SAMD5: variants seen among roughly 807,000 people sequenced by gnomAD.
SAMD5 encodes sterile alpha motif domain containing 5, also known as sterile alpha motif domain-containing protein 5.
In SAMD5, 13 loss-of-function variants were observed where a neutral mutation model predicts 11.3. That is an observed-to-expected ratio of 1.15 (90% CI 0.75 to 1.83). The LOEUF (loss-of-function observed/expected upper bound fraction) is 1.83. Ranked by LOEUF, SAMD5 falls within the 40% of genes most tolerant of loss-of-function variation. SAMD5 has a pLI of 0.00. For missense variants in SAMD5, 255 were observed against 239.1 expected, an observed-to-expected ratio of 1.07 and a Z score of -0.44; for synonymous variants, 129 against 111.3, an observed-to-expected ratio of 1.16 and a Z score of -1.00.
intron 1 of SAMD5, among the ~76,000 whole-genome samples, chr6:147,628,505 G>A (rs1215394826): frequency 6.6e-6 from 1 of 152,126 alleles, no homozygotes; most frequent in African/African-American, 2.4e-5. Flanking sequence ...TTTGATGATG[G>A]GATTACTGGA....
chr6:147,721,722 G>T (rs545900101), intron 1 of SAMD5, among the ~76,000 whole-genome samples: 101 of 152,114 alleles, frequency 6.6e-4, no homozygotes, highest in African/African-American at 2.4e-3. Context: ...CATTTGTCAA[G>T]TTTGGCTTTT....
rs114151741 is a variant in SAMD5 at position 147,555,261 on chromosome 6, T to C, written c.460-9133T>C. 2.4e-3 allele frequency among the ~76,000 whole-genome samples: 370 copies of C among 152,342 alleles called. 4 individuals are homozygous for C. The highest frequency in any genetic ancestry group is 8.1e-3 in the African/African-American group (338 of 41,580). Reference sequence around the variant, plus strand: ...GTCTCCTTGCAAACCACTTGTGCTCTTGTTTGAGTTGCTGGCTGAACTGGC... The same window carrying C: ...GTCTCCTTGCAAACCACTTGTGCTCCTGTTTGAGTTGCTGGCTGAACTGGC... On this transcript the variant is annotated intron_variant, in intron 1 of 1. Coordinates refer to ENST00000367474, the MANE Select transcript of SAMD5 (RefSeq NM_001030060.3).
intron 1 of SAMD5, among the ~76,000 whole-genome samples, chr6:147,719,259 C>T (rs1791511346): frequency 6.6e-6 from 1 of 152,202 alleles, no homozygotes; most frequent in African/African-American, 2.4e-5. Flanking sequence ...TCCAAGGTAG[C>T]TTAAGCAGAT....
the SAMD5 span, among the ~76,000 whole-genome samples, chr6:147,839,926 G>A: frequency 2.6e-3 from 392 of 152,250 alleles, 1 homozygote; most frequent in African/African-American, 9.1e-3. Flanking sequence ...TTTAAAATGA[G>A]GAAACAGAAG....
the SAMD5 span, among the ~76,000 whole-genome samples, chr6:147,805,198 T>G: frequency 6.6e-6 from 1 of 152,244 alleles, no homozygotes; most frequent in Non-Finnish European, 1.5e-5. Flanking sequence ...GCTTATGTGA[T>G]ATTTATTAAG....
intron 1 of SAMD5, among the ~76,000 whole-genome samples, chr6:147,654,793 T>A (rs1583126061): frequency 1.4e-5 from 2 of 147,526 alleles, no homozygotes; most frequent in African/African-American, 2.5e-5. Context: ...AAAAAAAAAA[T>A]ATAAAACAAA....
chr6:147,579,350 G>C (rs1789262254), intron 1 of SAMD5, among the ~76,000 whole-genome samples: 1 of 152,126 alleles, frequency 6.6e-6, no homozygotes. Context: ...AGAGTGCAAG[G>C]TGTTTTGTGG....
chr6:147,519,957 G>A (rs1013019242), intron 1 of SAMD5, among the ~76,000 whole-genome samples: 2 of 152,132 alleles, frequency 1.3e-5, no homozygotes, highest in Non-Finnish European at 2.9e-5. Flanking sequence ...TACAACTGAA[G>A]TGACCCTTCC....
chr6:147,714,447 CT>C (rs1791440055), intron 1 of SAMD5, among the ~76,000 whole-genome samples: 2 of 152,116 alleles, frequency 1.3e-5, no homozygotes, highest in Admixed American at 1.3e-4. Flanking sequence ...TAAGTTTCTC[CT>C]CCTTCTATGG....
the SAMD5 span, among the ~76,000 whole-genome samples, chr6:147,903,167 T>G: frequency 6.6e-6 from 1 of 152,216 alleles, no homozygotes; most frequent in Non-Finnish European, 1.5e-5. Flanking sequence ...TAATTACTTA[T>G]TAGTCATTTC....
intron 1 of SAMD5, among the ~76,000 whole-genome samples, chr6:147,553,834 GT>G (rs962856892): frequency 1.3e-4 from 19 of 149,758 alleles, no homozygotes; most frequent in South Asian, 2.1e-4. Context: ...ATCACAGCAT[GT>G]TTTTTTTTTC....
the SAMD5 span, among the ~76,000 whole-genome samples, chr6:147,755,320 A>G: frequency 6.6e-6 from 1 of 152,090 alleles, no homozygotes; most frequent in Non-Finnish European, 1.5e-5. Flanking sequence ...ATGCGTGGCT[A>G]TAGTAAATGG....
the SAMD5 span, among the ~76,000 whole-genome samples, chr6:147,894,124 G>GTTTTTT: frequency 7.2e-6 from 1 of 139,406 alleles, no homozygotes; most frequent in Non-Finnish European, 1.6e-5. Flanking sequence ...TCTTTGTTTT[G>GTTTTTT]TATTTTTTTT....
chr6:147,730,103 A>G (rs1297879266), intron 1 of SAMD5: 6 of 436,666 alleles, frequency 1.4e-5, no homozygotes, highest in Admixed American at 5.4e-5. Flanking sequence ...GAAAAGAAAA[A>G]AAGAAAAGGA....
chr6:147,743,251 T>C, the SAMD5 span: 1 of 152,232 alleles, frequency 6.6e-6, no homozygotes, highest in Non-Finnish European at 1.5e-5. Context: ...CTCACGCTTG[T>C]AATCCCAGCA....
the SAMD5 span, among the ~76,000 whole-genome samples, chr6:147,751,975 A>T: frequency 1.3e-5 from 2 of 152,184 alleles, no homozygotes; most frequent in Admixed American, 1.3e-4. Flanking sequence ...ATTAAATATC[A>T]ATTGATTATA....
the SAMD5 span, among the ~76,000 whole-genome samples, chr6:147,932,978 G>A: frequency 0.029 from 4,368 of 152,106 alleles, 209 homozygotes; most frequent in African/African-American, 0.1. Flanking sequence ...TTTCATCTCC[G>A]ATGAGGAAAA....
intron 1 of SAMD5, among the ~76,000 whole-genome samples, chr6:147,585,703 T>G (rs1439982353): frequency 6.6e-6 from 1 of 152,196 alleles, no homozygotes; most frequent in East Asian, 1.9e-4. Context: ...CAGCCATTTC[T>G]TCATCATTTA....
downstream of SAMD5, among the ~76,000 whole-genome samples, chr6:147,573,716 A>C (rs7743538): frequency 6.6e-6 from 1 of 152,198 alleles, no homozygotes. Context: ...TTTGTATTGG[A>C]GGAACACAAG....
Sources: allele counts gnomAD v4.1 joint callset (sites outside exome capture counted in the v4.1 genomes callset), GRCh38; gene constraint gnomAD v4.1.1; transcripts MANE v1.5; gene names NCBI Gene and HGNC (gene_info 2026-07-23, HGNC 2026-07-21).